Variants in PRP4K observed in about 807,000 individuals in gnomAD.
PRP4K encodes the protein pre-mRNA processing factor kinase PRP4K, also known as serine/threonine-protein kinase PRP4 homolog.
the PRP4K span, chr6:4,037,474 C>G: frequency 1.2e-6 from 2 of 1,613,890 alleles, no homozygotes; most frequent in Non-Finnish European, 1.7e-6. Context: ...TGGTCTCCAA[C>G]CCGAAGAAGA....
chr6:4,049,662 C>T, the PRP4K span: 1 of 1,435,576 alleles, frequency 7.0e-7, no homozygotes, highest in Non-Finnish European at 9.6e-7. Context: ...TAAATGACTG[C>T]ACTGTGTTTC....
chr6:4,055,757 T>C, the PRP4K span, among the ~76,000 whole-genome samples: 3 of 152,260 alleles, frequency 2.0e-5, no homozygotes, highest in East Asian at 5.8e-4. Context: ...CCAGATATAT[T>C]TAACATTTTC....
the PRP4K span, chr6:4,049,895 G>C: frequency 6.2e-7 from 1 of 1,613,362 alleles, no homozygotes; most frequent in Non-Finnish European, 8.5e-7. Flanking sequence ...TTCAGAAGAC[G>C]TGAGGAAACC....
chr6:4,037,582 T>G, the PRP4K span: 4 of 1,608,534 alleles, frequency 2.5e-6, no homozygotes, highest in African/African-American at 4.0e-5. Context: ...TAAAGACATT[T>G]CATCCTTGTG....
chr6:4,031,360 A>T, the PRP4K span, among the ~76,000 whole-genome samples: 2 of 152,202 alleles, frequency 1.3e-5, no homozygotes, highest in African/African-American at 4.8e-5. Flanking sequence ...GAAACACAAT[A>T]AAGTTGTATC....
At chr6:4,054,100 GA>G in the PRP4K span, among the ~76,000 whole-genome samples, 1 of 151,928 alleles carries the variant, frequency 6.6e-6, no homozygotes, top group East Asian at 1.9e-4. Flanking sequence ...ATTTTTTTTA[GA>G]GATGAGGTTT....
At chr6:4,058,808 A>G in the PRP4K span, 7 of 1,605,994 alleles carry the variant, frequency 4.4e-6, no homozygotes, top group African/African-American at 6.7e-5. Flanking sequence ...ATAAAGTAAC[A>G]GAGAGGGTAA....
chr6:4,032,629 T>G, the PRP4K span: 1 of 1,614,070 alleles, frequency 6.2e-7, no homozygotes, highest in Non-Finnish European at 8.5e-7. Flanking sequence ...TCTCCACTTT[T>G]GAATGATAGA....
At chr6:4,040,736 A>T in the PRP4K span, 357 of 1,592,476 alleles carry the variant, frequency 2.2e-4, no homozygotes, top group South Asian at 3.6e-4. Flanking sequence ...TTTGACATTT[A>T]AAAAAATGTA....
chr6:4,042,850 A>G, the PRP4K span, among the ~76,000 whole-genome samples: 7 of 152,228 alleles, frequency 4.6e-5, no homozygotes, highest in Admixed American at 4.6e-4. Flanking sequence ...TTTTTAAGTT[A>G]ATGAACACGT....
At chr6:4,049,345 T>C in the PRP4K span, 2 of 471,514 alleles carry the variant, frequency 4.2e-6, no homozygotes, top group South Asian at 8.3e-5. Context: ...TTCAAAATTA[T>C]TTTCAGCCAT....
At chr6:4,059,598 T>C in the PRP4K span, among the ~76,000 whole-genome samples, 2 of 152,036 alleles carry the variant, frequency 1.3e-5, no homozygotes, top group African/African-American at 4.8e-5. Flanking sequence ...AAACAGCTCA[T>C]GCTTATCTTA....
the PRP4K span, among the ~76,000 whole-genome samples, chr6:4,023,683 A>G: frequency 8.5e-5 from 13 of 152,184 alleles, no homozygotes; most frequent in Admixed American, 8.5e-4. Flanking sequence ...TTTTGGACCC[A>G]TTCTGATTTT....
chr6:4,034,013 A>G, the PRP4K span, among the ~76,000 whole-genome samples: 2 of 152,166 alleles, frequency 1.3e-5, no homozygotes, highest in Admixed American at 6.5e-5. Context: ...TTTAAATTAC[A>G]GAAGTGATGC....
chr6:4,036,985 C>CAA, the PRP4K span, among the ~76,000 whole-genome samples: 88 of 113,866 alleles, frequency 7.7e-4, no homozygotes, highest in South Asian at 1.2e-3. Flanking sequence ...GACCCTGTCT[C>CAA]AAAAAAAAAA....
At chr6:4,022,304 GAA>G in the PRP4K span, among the ~76,000 whole-genome samples, 91 of 137,370 alleles carry the variant, frequency 6.6e-4, 1 homozygote, top group Middle Eastern at 3.9e-3. Context: ...AATGAAAAAT[GAA>G]AAAAAAAAAA....
the PRP4K span, chr6:4,051,968 G>A: frequency 6.4e-7 from 1 of 1,568,816 alleles, no homozygotes; most frequent in South Asian, 1.2e-5. Flanking sequence ...CAAAAGACTG[G>A]TTTAAAAGAA....
At chr6:4,041,489 G>A in the PRP4K span, among the ~76,000 whole-genome samples, 1 of 152,118 alleles carries the variant, frequency 6.6e-6, no homozygotes, top group East Asian at 1.9e-4. Context: ...GGGGGAGAAG[G>A]TTGAAGTGAG....
At chr6:4,043,720 TCTTAA>T in the PRP4K span, 2 of 1,177,224 alleles carry the variant, frequency 1.7e-6, no homozygotes, top group East Asian at 2.5e-5. Flanking sequence ...TGATACGTTC[TCTTAA>T]CTTTTCACTG....
Sources: gnomAD v4.1 joint callset for allele counts (sites outside exome capture counted in the v4.1 genomes callset) on GRCh38, gnomAD v4.1.1 for gene constraint, MANE v1.5 for transcripts, NCBI Gene and HGNC (gene_info 2026-07-23, HGNC 2026-07-21) for gene names.